The following COG4 variants were observed in gnomAD, a reference collection of about 807,000 sequenced individuals.
The protein encoded by COG4 is conserved oligomeric Golgi complex subunit 4.
COG4 carries 65 observed loss-of-function variants against 95.1 expected under a neutral mutation model. That is an observed-to-expected ratio of 0.68 (90% CI 0.56 to 0.84). The LOEUF (loss-of-function observed/expected upper bound fraction) is 0.84. COG4 is among the 40% of genes least tolerant of loss of function. The pLI, the probability that COG4 is intolerant of heterozygous loss-of-function variation, is 0.00. For synonymous variants in COG4, 421 were observed against 374.8 expected (o/e 1.12, Z -1.42); for missense variants, 1,045 against 989.1 (o/e 1.06, Z -0.76).
At chr16:70,498,124 T>C in intron 9 of COG4, 69 bp from the exon 10 acceptor site, 1 of 923,828 alleles carries the variant, frequency 1.1e-6, no homozygotes, top group Non-Finnish European at 1.8e-6. Flanking sequence ...TTTTTTCATT[T>C]TTTCAGGTTC....
At chr16:70,511,385 G>A (rs1257946788) in intron 5 of COG4, among the ~76,000 whole-genome samples, 1 of 151,998 alleles carries the variant, frequency 6.6e-6, no homozygotes, top group Non-Finnish European at 1.5e-5. Flanking sequence ...GCATAATAAT[G>A]GTCTGATAAT....
chr16:70,509,489 G>T, intron 6 of COG4, 101 bp from the exon 7 acceptor site: 2 of 1,338,012 alleles, frequency 1.5e-6, no homozygotes, highest in Non-Finnish European at 1.1e-6. Flanking sequence ...CAATCCTTTT[G>T]GCTGCTTCAC....
At chr16:70,490,206 G>C (rs1371170102) in intron 13 of COG4, 124 bp downstream of exon 13, 1 of 819,290 alleles carries the variant, frequency 1.2e-6, no homozygotes, top group Non-Finnish European at 2.1e-6. Context: ...AGTCACCAAA[G>C]AATCCCCTCA....
intron 1 of COG4, among the ~76,000 whole-genome samples, chr16:70,521,134 C>T (rs931149907): frequency 6.6e-6 from 1 of 152,048 alleles, no homozygotes; most frequent in African/African-American, 2.4e-5. Context: ...AGGCTGGTCT[C>T]CAACTATAGC....
intron 8 of COG4, among the ~76,000 whole-genome samples, chr16:70,506,098 T>C (rs548092236): frequency 6.7e-6 from 1 of 150,286 alleles, no homozygotes; most frequent in Non-Finnish European, 1.5e-5. Flanking sequence ...CTGGCCAAAA[T>C]GGCAAAACCT....
chr16:70,502,946 G>A (rs1172464354), intron 8 of COG4, among the ~76,000 whole-genome samples: 1 of 152,148 alleles, frequency 6.6e-6, no homozygotes, highest in South Asian at 2.1e-4. Flanking sequence ...AATTGTGCTA[G>A]GACAACTGAG....
intron 3 of COG4, chr16:70,516,058 T>C (rs781533416): frequency 2.2e-6 from 1 of 456,062 alleles, no homozygotes; most frequent in South Asian, 1.5e-5. Context: ...GAAAGGATAT[T>C]GAATTTTGTT....
intron 8 of COG4, among the ~76,000 whole-genome samples, chr16:70,502,137 C>T (rs2049464836): frequency 6.6e-6 from 1 of 151,460 alleles, no homozygotes; most frequent in Non-Finnish European, 1.5e-5. Flanking sequence ...CAAAAATTAG[C>T]TGGGTGTGGT....
At position 70,480,952 on chromosome 16, in the gene COG4, G is replaced by C; in HGVS notation, c.*58C>G. 1 of 1,604,144 alleles carries C rather than the reference G, an allele frequency of 6.2e-7. No homozygotes were observed. Among genetic ancestry groups the C allele is most frequent in the Non-Finnish European group, 8.5e-7 (1 of 1,177,078 alleles). ...ACAGCCTCGCTCAGCTCCTTGGCTG[G>C]GGCCCCTTAGGGAACAGGCCTGCAA... On this transcript the variant is annotated 3_prime_UTR_variant, in exon 19 of 19. Coordinates refer to ENST00000323786, the MANE Select transcript of COG4 (RefSeq NM_015386.3).
At position 70,494,971 on chromosome 16, in the gene COG4, A is replaced by G. The variant is rs568251169; in HGVS notation, c.1647+1295T>C. On this transcript the variant is annotated intron_variant, in intron 12 of 18. Coordinates refer to ENST00000323786, the MANE Select transcript of COG4 (RefSeq NM_015386.3). Reference sequence around the variant, plus strand: ...GTGGGGCTGCCTAAACAGCTTTCACATTGGATCTGTCTCATAACTAGTTAC... The same window carrying G: ...GTGGGGCTGCCTAAACAGCTTTCACGTTGGATCTGTCTCATAACTAGTTAC... 1.7e-3 allele frequency among the ~76,000 whole-genome samples: 252 copies of G among 152,298 alleles called. 2 individuals carry two copies. Among genetic ancestry groups the G allele is most frequent in the African/African-American group, 5.7e-3 (238 of 41,572 alleles).
intron 1 of COG4, 87 bp downstream of exon 1, chr16:70,523,286 G>A: frequency 1.3e-6 from 2 of 1,512,246 alleles, no homozygotes; most frequent in Non-Finnish European, 1.8e-6. Flanking sequence ...CCCCAGCAAG[G>A]AGAGTTTCCC....
Position 70,523,515 on chromosome 16 carries a change from G to C in COG4, c.29C>G (p.Ser10Trp), listed in dbSNP as rs765042815. Reference sequence around the variant, plus strand: ...CTGCACCCCTGACAGCTTCGGAGGCGAATCAAGGTCCGCCATCTTGGTCCC... The same window carrying C: ...CTGCACCCCTGACAGCTTCGGAGGCCAATCAAGGTCCGCCATCTTGGTCCC... The part of the protein sequence containing the change: MGTKMADLD[S>W]PPKLSGVQQP... The change falls in exon 1 of 19, where the codon TCG becomes TGG. Residue 10 changes from serine (S) to tryptophan (W), a missense_variant. Ser to Trp is a radical substitution (Grantham distance 177). Coordinates refer to ENST00000323786, the MANE Select transcript of COG4 (RefSeq NM_015386.3). 1 of 1,613,978 alleles carries C rather than the reference G, an allele frequency of 6.2e-7. No homozygotes were observed. Among genetic ancestry groups the C allele is most frequent in the South Asian group, 1.1e-5 (1 of 91,076 alleles).
intron 8 of COG4, among the ~76,000 whole-genome samples, chr16:70,505,303 T>C (rs2049539975): frequency 6.7e-6 from 1 of 148,796 alleles, no homozygotes; most frequent in Non-Finnish European, 1.5e-5. Context: ...GTTCACGCCA[T>C]TCTCCTGCCT....
intron 3 of COG4, chr16:70,516,001 G>A (rs1456436369): frequency 2.2e-6 from 1 of 455,984 alleles, no homozygotes; most frequent in South Asian, 1.5e-5. Flanking sequence ...TCTTTATCAG[G>A]CTGAGAAGTT....
chr16:70,513,930 G>A (rs2049765436), intron 4 of COG4, among the ~76,000 whole-genome samples: 1 of 152,168 alleles, frequency 6.6e-6, no homozygotes, highest in African/African-American at 2.4e-5. Flanking sequence ...CTTCCTGGCT[G>A]GGCGCAGTAG....
chr16:70,482,237 C>T, intron 15 of COG4, 62 bp from the exon 16 acceptor site: 2 of 964,502 alleles, frequency 2.1e-6, no homozygotes. Flanking sequence ...TCATTGCCAC[C>T]CACCTCTATC....
rs1003406468 is a variant in COG4, at chr16:70,490,200, A to G, written c.1710+130T>C. On this transcript the variant is annotated intron_variant, in intron 13 of 18. Coordinates refer to ENST00000323786, the MANE Select transcript of COG4 (RefSeq NM_015386.3). ...AGGATGCCTTGCTATCATGTCAGTC[A>G]CCAAAGAATCCCCTCAAGTGTGGCT... 1.9e-5 allele frequency: 15 copies of G among 792,990 alleles called. No homozygotes were observed. In the South Asian group the frequency reaches 2.1e-4, roughly 11 times the overall value. The allele number at this position is 792,990 out of a possible 1,614,324, so 49.1% of individuals were successfully genotyped here. A position where few individuals can be genotyped will look rare whatever the true frequency, so the allele number is the denominator to read the frequency against.
At chr16:70,523,173 A>G (rs2049989663) in intron 1 of COG4, 200 bp downstream of exon 1, 6 of 619,540 alleles carry the variant, frequency 9.7e-6, no homozygotes, top group African/African-American at 9.2e-5. Flanking sequence ...CCCAGGTATC[A>G]GGGAAGACAA....
At chr16:70,513,572 TAATA>T in intron 4 of COG4, among the ~76,000 whole-genome samples, 1 of 152,298 alleles carries the variant, frequency 6.6e-6, no homozygotes, top group African/African-American at 2.4e-5. Flanking sequence ...AGATTAACAA[TAATA>T]TATAATAAGA....
Sources: gnomAD v4.1 joint callset for allele counts (sites outside exome capture counted in the v4.1 genomes callset) on GRCh38, gnomAD v4.1.1 for gene constraint, MANE v1.5 for transcripts, NCBI Gene and HGNC (gene_info 2026-07-23, HGNC 2026-07-21) for gene names.